The following CTNNA3 variants were observed in gnomAD, a reference collection of about 807,000 sequenced individuals.
CTNNA3 encodes catenin alpha-3.
In CTNNA3, 76 loss-of-function variants were observed where a neutral mutation model predicts 95.7. The ratio of observed to expected loss-of-function variants is 0.79; its 90% CI spans 0.66 to 0.96. CTNNA3 has a LOEUF of 0.96. Ranked by LOEUF, CTNNA3 falls within the 40% of genes least tolerant of loss-of-function variation. The pLI is 0.00. For synonymous variants in CTNNA3, 431 were observed against 374.4 expected (o/e 1.15, Z -1.74); for missense variants, 1,191 against 1,089.8 (o/e 1.09, Z -1.31).
At chr10:66,128,463 C>T (rs1247796088) in intron 13 of CTNNA3, among the ~76,000 whole-genome samples, 4 of 150,682 alleles carry the variant, frequency 2.7e-5, no homozygotes, top group African/African-American at 9.8e-5. Context: ...TTCAGTGACA[C>T]AAGCATGAAA....
intron 13 of CTNNA3, among the ~76,000 whole-genome samples, chr10:66,115,698 A>C (rs10822723): frequency 0.22 from 33,050 of 151,950 alleles, 3,786 homozygotes; most frequent in Admixed American, 0.27. Flanking sequence ...TATAGTATCA[A>C]CAATCCTAAC....
At chr10:66,656,451 C>A (rs1846076837) in intron 9 of CTNNA3, among the ~76,000 whole-genome samples, 1 of 151,990 alleles carries the variant, frequency 6.6e-6, no homozygotes, top group Non-Finnish European at 1.5e-5. Context: ...GTAGAAGGAG[C>A]AGCTTCAGAA....
rs143941617 is a variant in CTNNA3, at chr10:67,510,425, C to T, written c.579+11417G>A. ...ACATATGGCTAGCCAGTTTTCCCTG[C>T]ACCATTTACTAAATAGGGAATCCTT... On this transcript the variant is annotated intron_variant, in intron 5 of 17. Coordinates refer to ENST00000433211, the MANE Select transcript of CTNNA3 (RefSeq NM_013266.4). 0.029 allele frequency among the ~76,000 whole-genome samples: 4,430 copies of T among 151,536 alleles called. 447 individuals are homozygous for T. In the East Asian group the frequency reaches 0.36, roughly 12 times the overall value.
intron 5 of CTNNA3, among the ~76,000 whole-genome samples, chr10:67,239,903 G>T (rs1160581698): frequency 6.6e-6 from 1 of 152,128 alleles, no homozygotes; most frequent in Admixed American, 6.5e-5. Context: ...AATAAGAAGA[G>T]AAAGCTCCTG....
chr10:66,838,242 A>G (rs1293972809), intron 7 of CTNNA3, among the ~76,000 whole-genome samples: 1 of 152,110 alleles, frequency 6.6e-6, no homozygotes, highest in Non-Finnish European at 1.5e-5. Context: ...AGCACTCACA[A>G]CAGTGGATAT....
chr10:66,287,036 C>T (rs559100650), intron 12 of CTNNA3, among the ~76,000 whole-genome samples: 18 of 152,106 alleles, frequency 1.2e-4, no homozygotes, highest in South Asian at 6.2e-4. Flanking sequence ...AGCTTCTCTG[C>T]GAAACTTCCC....
At chr10:66,703,496 CA>C (rs546803942) in intron 9 of CTNNA3, among the ~76,000 whole-genome samples, 122 of 152,186 alleles carry the variant, frequency 8.0e-4, no homozygotes, top group African/African-American at 2.6e-3. Context: ...CAAGGAATAA[CA>C]AAAATCTAAC....
In CTNNA3 at chr10:67,720,129, C is replaced by CTTTTTTTTTTTTTTTTTTTTTTTTTT; in HGVS notation, c.-2+43304_-2+43305insAAAAAAAAAAAAAAAAAAAAAAAAAA. Among the ~76,000 whole-genome samples the CTTTTTTTTTTTTTTTTTTTTTTTTTT allele has an allele frequency of 4.1e-3, 27 of 6,612 alleles. 9 individuals are homozygous for CTTTTTTTTTTTTTTTTTTTTTTTTTT. Among genetic ancestry groups the CTTTTTTTTTTTTTTTTTTTTTTTTTT allele is most frequent in the South Asian group, 6.3e-3 (1 of 160 alleles). 4.3% of individuals were successfully genotyped at this position (6,612 alleles called of 152,430 possible). A position where few individuals can be genotyped will look rare whatever the true frequency, so the allele number is the denominator to read the frequency against. ...TCAGAGACTAGGATTGCAACCCCTG[C>CTTTTTTTTTTTTTTTTTTTTTTTTTT]TTTTTTTTTTTTTTTTTTTTTTTGC... On this transcript the variant is annotated intron_variant, in intron 1 of 17. Transcript: ENST00000684154.
intron 7 of CTNNA3, among the ~76,000 whole-genome samples, chr10:67,130,264 A>T (rs748294238): frequency 3.3e-5 from 5 of 151,996 alleles, no homozygotes; most frequent in Non-Finnish European, 5.9e-5. Context: ...TCTCTTTCCC[A>T]TCAACTAGAT....
chr10:66,003,350 A>C (rs965709885), intron 15 of CTNNA3, among the ~76,000 whole-genome samples: 1 of 139,040 alleles, frequency 7.2e-6, no homozygotes, highest in African/African-American at 2.7e-5. Flanking sequence ...GTGTGTGTGG[A>C]GAGAGAGAGA....
rs906119996 is a variant in CTNNA3 at position 66,801,237 on chromosome 10, C to T, written c.1048-25713G>A. On this transcript the variant is annotated intron_variant, in intron 7 of 17. Coordinates refer to ENST00000433211, the MANE Select transcript of CTNNA3 (RefSeq NM_013266.4). ...ATTTACAGACAACAAAATAAAATCA[C>T]GTGAAATTAATCATCAAAGTATTAT... Among the ~76,000 whole-genome samples the T allele has an allele frequency of 8.6e-5, 13 of 151,156 alleles. 1 individual carries two copies. In the East Asian group the frequency reaches 2.1e-3, roughly 25 times the overall value.
chr10:66,286,984 A>G (rs2091599234), intron 12 of CTNNA3, among the ~76,000 whole-genome samples: 1 of 152,072 alleles, frequency 6.6e-6, no homozygotes, highest in Non-Finnish European at 1.5e-5. Flanking sequence ...ATGATAACTT[A>G]ATACCTTCAT....
chr10:66,985,330 T>C (rs1850669174), intron 7 of CTNNA3, among the ~76,000 whole-genome samples: 1 of 151,190 alleles, frequency 6.6e-6, no homozygotes, highest in Non-Finnish European at 1.5e-5. Flanking sequence ...CAGGGAGGAG[T>C]GGTTACCAAG....
intron 11 of CTNNA3, among the ~76,000 whole-genome samples, chr10:66,440,842 A>G (rs1446514193): frequency 6.6e-6 from 1 of 152,162 alleles, no homozygotes; most frequent in Non-Finnish European, 1.5e-5. Flanking sequence ...GCACACAATA[A>G]GTGCTAAATA....
rs570471424 is a variant in CTNNA3, at chr10:66,069,369, C to T, written c.2098G>A (p.Asp700Asn). 1.5e-5 allele frequency: 25 copies of T among 1,613,544 alleles called. No homozygotes were observed. Among genetic ancestry groups the T allele is most frequent in the Non-Finnish European group, 1.9e-5 (23 of 1,179,718 alleles). The change falls in exon 15 of 18, where the codon GAC (aspartate) becomes AAC (asparagine). Residue 700 changes from aspartate (D) to asparagine (N), a missense_variant. Physicochemically the swap from Asp to Asn is conservative, Grantham distance 23. Transcript: ENST00000433211. Reference protein sequence around the residue: ...EIEIWDDTSNDIIVLAKNMCM... With the variant: ...EIEIWDDTSNNIIVLAKNMCM... The stretch of plus-strand genomic sequence containing the variant: ...ATGTTCTTGGCCAGAACAATGATGT[C>T]GTTGCTTGTATCATCCCATATCTCA...
At chr10:67,219,129 G>A (rs1864529175) in intron 6 of CTNNA3, among the ~76,000 whole-genome samples, 1 of 151,990 alleles carries the variant, frequency 6.6e-6, no homozygotes, top group African/African-American at 2.4e-5. Context: ...CTCTTTCAAG[G>A]CTTTGGCATT....
In CTNNA3 at chr10:66,502,829, A is replaced by C. The variant is rs555391817; in HGVS notation, c.1531+17788T>G. Among the ~76,000 whole-genome samples, 3 of 152,276 alleles carry C rather than the reference A, an allele frequency of 2.0e-5. No individual in the cohort carries two copies. In the South Asian group the frequency reaches 6.2e-4, roughly 32 times the overall value. On this transcript the variant is annotated intron_variant, in intron 11 of 17. Transcript: ENST00000433211. Reference sequence around the variant, plus strand: ...AGGGGGATTCCTGGCAACATAACCCAGGTGCCACATATTGTTATTTTGTTC... The same window carrying C: ...AGGGGGATTCCTGGCAACATAACCCCGGTGCCACATATTGTTATTTTGTTC...
At chr10:67,599,198 C>T (rs1260765037) in intron 3 of CTNNA3, among the ~76,000 whole-genome samples, 3 of 152,160 alleles carry the variant, frequency 2.0e-5, no homozygotes, top group Non-Finnish European at 4.4e-5. Flanking sequence ...GGTTATTCAT[C>T]AGTAATTTAA....
upstream of CTNNA3, among the ~76,000 whole-genome samples, chr10:67,698,619 T>A (rs1232920709): frequency 1.3e-4 from 20 of 152,270 alleles, no homozygotes; most frequent in Admixed American, 1.3e-3. Context: ...GTCCATAATA[T>A]CTCAAAATAC....
Sources: allele counts gnomAD v4.1 joint callset (sites outside exome capture counted in the v4.1 genomes callset), GRCh38; gene constraint gnomAD v4.1.1; transcripts MANE v1.5; gene names NCBI Gene and HGNC (gene_info 2026-07-23, HGNC 2026-07-21).